The following NUF2 variants were observed in gnomAD, a reference collection of about 807,000 sequenced individuals.
NUF2 encodes NUF2 component of NDC80 kinetochore complex.
Under a neutral mutation model 61.8 loss-of-function variants are expected in NUF2, and 34 were observed. The ratio of observed to expected loss-of-function variants is 0.55; its 90% CI spans 0.42 to 0.73. NUF2 has a LOEUF of 0.73. NUF2 is among the 30% of genes least tolerant of loss of function. The pLI is 0.00. For missense variants in NUF2, 445 were observed against 539.1 expected (o/e 0.83, Z 1.73); for synonymous variants, 172 against 181.6 (o/e 0.95, Z 0.42).
In NUF2 at chr1:163,347,745, ACTT is replaced by A. The variant is rs1651179477; in HGVS notation, c.949-14_949-12del. Reference sequence around the variant, plus strand: ...CTAATTGGTTATGTTGACTTTAAATACTTCTTATAAAATACAGAGCCTGAACTT... The same window carrying A: ...CTAATTGGTTATGTTGACTTTAAATACTTATAAAATACAGAGCCTGAACTT... On this transcript the variant is annotated splice_polypyrimidine_tract_variant and intron_variant, in intron 11 of 13. Coordinates refer to ENST00000271452, the MANE Select transcript of NUF2 (RefSeq NM_145697.3). 1 of 1,467,986 alleles carries A rather than the reference ACTT, an allele frequency of 6.8e-7. No individual in the cohort carries two copies. Among genetic ancestry groups the A allele is most frequent in the Non-Finnish European group, 9.1e-7 (1 of 1,100,714 alleles). The allele number at this position is 1,467,986 out of a possible 1,614,324, so 90.9% of individuals were successfully genotyped here.
intron 3 of NUF2, 90 bp downstream of exon 3, chr1:163,327,652 C>G (rs1348492612): frequency 1.3e-6 from 1 of 766,828 alleles, no homozygotes; most frequent in African/African-American, 1.8e-5. Flanking sequence ...TGCATACTGG[C>G]TTTTAGGATA....
At chr1:163,344,894 G>T (rs962128448) in intron 10 of NUF2, among the ~76,000 whole-genome samples, 1 of 151,922 alleles carries the variant, frequency 6.6e-6, no homozygotes, top group African/African-American at 2.4e-5. Context: ...GAAGAAAAGG[G>T]TGTTGGGTCT....
At chr1:163,332,080 A>G (rs1650615302) in intron 5 of NUF2, among the ~76,000 whole-genome samples, 1 of 151,794 alleles carries the variant, frequency 6.6e-6, no homozygotes, top group Non-Finnish European at 1.5e-5. Context: ...CATTAATTAG[A>G]TACCTTTCTT....
At chr1:163,338,237 T>TAA (rs11330875) in intron 7 of NUF2, 144 bp downstream of exon 7, 85,321 of 367,992 alleles carry the variant, frequency 0.23, 6,743 homozygotes, top group Admixed American at 0.28. Flanking sequence ...TGCCTTTTCT[T>TAA]AAAAAAAAAA....
At chr1:163,347,075 C>T (rs1042690395) in intron 11 of NUF2, among the ~76,000 whole-genome samples, 2 of 152,270 alleles carry the variant, frequency 1.3e-5, no homozygotes, top group African/African-American at 4.8e-5. Context: ...TTTGTTCTAC[C>T]AGTTGGAAAT....
At chr1:163,322,385 C>T (rs760948650) in intron 1 of NUF2, among the ~76,000 whole-genome samples, 173 bp downstream of exon 1, 153 of 152,268 alleles carry the variant, frequency 1.0e-3, no homozygotes, top group Non-Finnish European at 1.7e-3. Flanking sequence ...TTTGGAAAGG[C>T]GGTGGTAATG....
Position 163,340,440 on chromosome 1 carries a change from C to T in NUF2, c.669+14C>T, listed in dbSNP as rs1650904876. ...ACCAAGCGTTTGGTAAACATCTTTT[C>T]TTTTCACTAGCATTTAAAGTTTGAA... On this transcript the variant is annotated intron_variant, in intron 9 of 13. Coordinates refer to ENST00000271452, the MANE Select transcript of NUF2 (RefSeq NM_145697.3). 1.9e-6 allele frequency: 3 copies of T among 1,591,630 alleles called. No individual in the cohort carries two copies. The highest frequency in any genetic ancestry group is 2.6e-6 in the Non-Finnish European group (3 of 1,162,384).
chr1:163,324,836 T>C (rs1650357800), intron 1 of NUF2, among the ~76,000 whole-genome samples: 2 of 152,068 alleles, frequency 1.3e-5, no homozygotes, highest in Admixed American at 1.3e-4. Context: ...TCCAGTACAT[T>C]GTAACAAGTA....
At chr1:163,350,211 A>G (rs1451268926) in intron 13 of NUF2, among the ~76,000 whole-genome samples, 2 of 151,802 alleles carry the variant, frequency 1.3e-5, no homozygotes, top group Non-Finnish European at 2.9e-5. Context: ...CTGAGGCAGG[A>G]GAATGGCGTG....
In NUF2 at chr1:163,328,894, T is replaced by C. The variant is rs916773236; in HGVS notation, c.324T>C (p.Asp108=). Residue 108 remains aspartate (D), a synonymous_variant, in exon 5 of 14, where the codon GAT becomes GAC. Coordinates refer to ENST00000271452, the MANE Select transcript of NUF2 (RefSeq NM_145697.3). ...GGGTGAATGACTTTGAGACTGCTGA[T>C]ATTCTATGTCCAAGTAAGTGAGAAT... ...ICRVNDFETA[D]ILCPKAKRTS... 8.1e-6 allele frequency: 13 copies of C among 1,599,676 alleles called. No homozygotes were observed. The highest frequency in any genetic ancestry group is 4.0e-5 in the African/African-American group (3 of 74,480).
chr1:163,347,398 A>G (rs1651169163), intron 11 of NUF2, among the ~76,000 whole-genome samples: 1 of 152,226 alleles, frequency 6.6e-6, no homozygotes. Context: ...TTACCCAAAA[A>G]AGATGTGTAT....
At chr1:163,347,730 A>G (rs374170640) in intron 11 of NUF2, 33 bp from the exon 12 acceptor site, 9 of 1,329,728 alleles carry the variant, frequency 6.8e-6, no homozygotes, top group Non-Finnish European at 9.1e-6. Context: ...CTAATTGGTT[A>G]TGTTGACTTT....
intron 9 of NUF2, 65 bp downstream of exon 9, chr1:163,340,491 C>T (rs1200308644): frequency 8.4e-7 from 1 of 1,183,704 alleles, no homozygotes; most frequent in Non-Finnish European, 1.2e-6. Flanking sequence ...AGTATTTTAG[C>T]TGTGTGTGTT....
At chr1:163,349,132 AGTT>A in intron 13 of NUF2, 52 bp downstream of exon 13, 1 of 1,515,232 alleles carries the variant, frequency 6.6e-7, no homozygotes, top group South Asian at 1.3e-5. Flanking sequence ...CATGTATTTG[AGTT>A]GTTAACTGAA....
At chr1:163,328,571 A>C (rs1650501297) in intron 4 of NUF2, 3 of 506,154 alleles carry the variant, frequency 5.9e-6, no homozygotes, top group Middle Eastern at 5.1e-4. Flanking sequence ...AAGAGGTTTG[A>C]GTTCTTAAAA....
chr1:163,323,234 C>T (rs552626929), intron 1 of NUF2: 8 of 152,310 alleles, frequency 5.3e-5, no homozygotes, highest in East Asian at 1.9e-4. Flanking sequence ...TTTACACCTA[C>T]GCTTTCTATT....
chr1:163,341,425 G>C (rs536103794), intron 9 of NUF2, among the ~76,000 whole-genome samples: 2 of 152,034 alleles, frequency 1.3e-5, no homozygotes, highest in African/African-American at 4.8e-5. Flanking sequence ...ATGCAAGCTG[G>C]TCTCAAACTC....
In NUF2 at chr1:163,347,796, G is replaced by C; in HGVS notation, c.982G>C (p.Glu328Gln). 1 of 1,597,642 alleles carries C rather than the reference G, an allele frequency of 6.3e-7. No homozygotes were observed. Among genetic ancestry groups the C allele is most frequent in the East Asian group, 2.3e-5 (1 of 44,370 alleles). Residue 328 changes from glutamate (E) to glutamine (Q), a missense_variant, in exon 12 of 14, where the codon GAG (glutamate) becomes CAG (glutamine). Coordinates refer to ENST00000271452, the MANE Select transcript of NUF2 (RefSeq NM_145697.3). Reference sequence around the variant, plus strand: ...CTTGGAGGACCAAATTGAGAGTGATGAGTCAGAACTGAAGAAATTGAAGAC... The same window carrying C: ...CTTGGAGGACCAAATTGAGAGTGATCAGTCAGAACTGAAGAAATTGAAGAC... ...LNLEDQIESD[E>Q]SELKKLKTEE...
At chr1:163,341,154 T>A (rs1339840358) in intron 9 of NUF2, among the ~76,000 whole-genome samples, 1 of 152,172 alleles carries the variant, frequency 6.6e-6, no homozygotes, top group African/African-American at 2.4e-5. Flanking sequence ...TTCAGGCTTT[T>A]AAAATCTTTG....
Sources: gnomAD v4.1 joint callset for allele counts (sites outside exome capture counted in the v4.1 genomes callset) on GRCh38, gnomAD v4.1.1 for gene constraint, MANE v1.5 for transcripts, NCBI Gene and HGNC (gene_info 2026-07-23, HGNC 2026-07-21) for gene names.